Variants in ANKRD28 observed in about 807,000 individuals in gnomAD.
ANKRD28 encodes serine/threonine-protein phosphatase 6 regulatory ankyrin repeat subunit A.
A neutral mutation model predicts 126.5 loss-of-function variants in ANKRD28; 44 were observed. That is an observed-to-expected ratio of 0.35 (90% CI 0.27 to 0.45). The LOEUF (loss-of-function observed/expected upper bound fraction) is 0.45, where lower values mean the gene tolerates loss of function less well. ANKRD28 is among the 20% of genes least tolerant of loss of function. The pLI, the probability that ANKRD28 is intolerant of heterozygous loss-of-function variation, is 1.00. For missense variants in ANKRD28, 1,110 were observed against 1,316.6 expected, an observed-to-expected ratio of 0.84 and a Z score of 2.43; for synonymous variants, 442 against 468.5, an observed-to-expected ratio of 0.94 and a Z score of 0.73.
intron 1 of ANKRD28, among the ~76,000 whole-genome samples, chr3:15,856,921 T>C (rs190418005): frequency 6.6e-4 from 101 of 152,360 alleles, no homozygotes; most frequent in African/African-American, 2.2e-3. Flanking sequence ...CTACTTCCTA[T>C]GTCAAGTGTA....
chr3:15,766,354 G>C, intron 2 of ANKRD28, 42 bp from the exon 3 acceptor site: 1 of 1,417,974 alleles, frequency 7.1e-7, no homozygotes, highest in Non-Finnish European at 9.8e-7. Context: ...TTTAAAATAA[G>C]ATTAATTTTA....
chr3:15,708,791 A>T (rs907220059), intron 13 of ANKRD28, among the ~76,000 whole-genome samples: 1 of 152,034 alleles, frequency 6.6e-6, no homozygotes, highest in Non-Finnish European at 1.5e-5. Flanking sequence ...TCTTCTATTC[A>T]TTTCTGATTT....
At chr3:15,740,907 T>G (rs1559446675) in intron 4 of ANKRD28, among the ~76,000 whole-genome samples, 1 of 152,152 alleles carries the variant, frequency 6.6e-6, no homozygotes, top group South Asian at 2.1e-4. Flanking sequence ...GAGTAATACA[T>G]GTCAGATCAC....
chr3:15,696,390 A>T (rs2069561340), intron 14 of ANKRD28, 145 bp from the exon 15 acceptor site: 1 of 548,294 alleles, frequency 1.8e-6, no homozygotes, highest in Non-Finnish European at 3.2e-6. Flanking sequence ...TAAAAATGTC[A>T]TTTAAATGAC....
chr3:15,849,367 A>C (rs2061590577), intron 1 of ANKRD28, among the ~76,000 whole-genome samples: 1 of 152,224 alleles, frequency 6.6e-6, no homozygotes, highest in Admixed American at 6.5e-5. Context: ...AAAAATTGGA[A>C]GACTTGCACT....
At chr3:15,687,778 T>C (rs1240830408) in intron 18 of ANKRD28, among the ~76,000 whole-genome samples, 4 of 152,214 alleles carry the variant, frequency 2.6e-5, no homozygotes, top group African/African-American at 9.6e-5. Flanking sequence ...GTCGTAACAC[T>C]TGGGGATGTT....
At chr3:15,724,315 T>A (rs2074002432) in intron 7 of ANKRD28, 67 bp downstream of exon 7, 17 of 1,325,568 alleles carry the variant, frequency 1.3e-5, no homozygotes, top group South Asian at 1.5e-5. Context: ...TGAAATAACT[T>A]GTCAATAATG....
At chr3:15,695,608 C>A (rs565329064) in intron 15 of ANKRD28, among the ~76,000 whole-genome samples, 1 of 152,200 alleles carries the variant, frequency 6.6e-6, no homozygotes, top group South Asian at 2.1e-4. Flanking sequence ...CTGTTACACA[C>A]ATGAATATCT....
chr3:15,677,909 G>GA (rs1296653813), intron 24 of ANKRD28, among the ~76,000 whole-genome samples: 2 of 152,036 alleles, frequency 1.3e-5, no homozygotes, highest in Non-Finnish European at 2.9e-5. Context: ...TTATAAATGA[G>GA]AAAACTGAGG....
rs2072779937 is a variant in ANKRD28 at position 15,714,623 on chromosome 3, C to G, written c.1030G>C (p.Ala344Pro). 1 of 1,600,682 alleles carries G rather than the reference C, an allele frequency of 6.2e-7. No individual in the cohort carries two copies. Among genetic ancestry groups the G allele is most frequent in the Non-Finnish European group, 8.5e-7 (1 of 1,175,628 alleles). The change falls in exon 9 of 28, where the codon GCT (alanine) becomes CCT (proline). Residue 344 changes from alanine (A) to proline (P), a missense_variant. Ala to Pro is a conservative substitution (Grantham distance 27, BLOSUM62 -1). Transcript: ENST00000683139. ...KDGKTPLHMT[A>P]LHGRFSRSQT... ...GATCGGGAGAATCTACCGTGGAGAGCAGTCATGTGTAGTGGGGTTTTCCCA... is the reference window on the plus strand; with the variant it reads ...GATCGGGAGAATCTACCGTGGAGAGGAGTCATGTGTAGTGGGGTTTTCCCA...
intron 5 of ANKRD28, among the ~76,000 whole-genome samples, chr3:15,736,261 A>C (rs1415220015): frequency 6.6e-6 from 1 of 152,190 alleles, no homozygotes; most frequent in African/African-American, 2.4e-5. Flanking sequence ...ACTGTGCCTT[A>C]ATTATAAATT....
At chr3:15,745,182 G>A (rs1439434750) in intron 4 of ANKRD28, among the ~76,000 whole-genome samples, 9 of 152,192 alleles carry the variant, frequency 5.9e-5, no homozygotes, top group Non-Finnish European at 1.3e-4. Context: ...TACTCTGTGA[G>A]TTGTTAATGC....
rs77056904 is a variant in ANKRD28, at chr3:15,757,419, A to C, written c.281-5599T>G. Among the ~76,000 whole-genome samples the C allele has an allele frequency of 9.6e-3, 1,456 of 152,270 alleles. 10 individuals are homozygous for C. Among genetic ancestry groups the C allele is most frequent in the Non-Finnish European group, 0.016 (1,098 of 68,016 alleles). On this transcript the variant is annotated intron_variant, in intron 3 of 27. Coordinates refer to ENST00000683139, the MANE Select transcript of ANKRD28 (RefSeq NM_001349278.2). ...ATTTCCAGTTATAACGTTCTATCCT[A>C]TTTTGGAATATTCAGAATAAATTAT... is the stretch of plus-strand genomic sequence containing the variant.
intron 3 of ANKRD28, among the ~76,000 whole-genome samples, chr3:15,756,980 T>TA (rs1394732054): frequency 1.3e-5 from 2 of 152,180 alleles, no homozygotes; most frequent in African/African-American, 4.8e-5. Flanking sequence ...TGAGTCCACT[T>TA]ATATGTAGAT....
chr3:15,798,000 A>G, upstream of ANKRD28: 1 of 985,350 alleles, frequency 1.0e-6, no homozygotes, highest in Non-Finnish European at 1.2e-6. Context: ...TCGGGATGTA[A>G]CTTCCTCTAG....
intron 6 of ANKRD28, chr3:15,732,322 A>G (rs2074695247): frequency 6.6e-6 from 1 of 152,282 alleles, no homozygotes; most frequent in Non-Finnish European, 1.5e-5. Flanking sequence ...TGTTCACTGA[A>G]AGCAGAGGCA....
chr3:15,680,396 G>A (rs557996574), intron 21 of ANKRD28, among the ~76,000 whole-genome samples: 26 of 151,934 alleles, frequency 1.7e-4, no homozygotes, highest in African/African-American at 5.8e-4. Flanking sequence ...TAGTAGACAC[G>A]GGGTTTCACC....
chr3:15,678,078 G>T, intron 24 of ANKRD28, 131 bp downstream of exon 24: 1 of 897,534 alleles, frequency 1.1e-6, no homozygotes, highest in Non-Finnish European at 1.6e-6. Flanking sequence ...AATGTGGATT[G>T]CAAACAGGTA....
intron 21 of ANKRD28, 45 bp from the exon 22 acceptor site, chr3:15,679,608 C>T (rs903191391): frequency 1.3e-6 from 2 of 1,487,052 alleles, no homozygotes; most frequent in African/African-American, 1.4e-5. Context: ...AAAGGAGATA[C>T]TGGCAAAAAT....
Sources: allele counts gnomAD v4.1 joint callset (sites outside exome capture counted in the v4.1 genomes callset), GRCh38; gene constraint gnomAD v4.1.1; transcripts MANE v1.5; gene names NCBI Gene and HGNC (gene_info 2026-07-23, HGNC 2026-07-21).